OLAH: variants seen among roughly 807,000 people sequenced by gnomAD.
OLAH encodes the protein oleoyl-ACP hydrolase.
A neutral mutation model predicts 27.8 loss-of-function variants in OLAH; 33 were observed. The observed-to-expected ratio is 1.19, with a 90% confidence interval of 0.90 to 1.59. The LOEUF is 1.59. Among genes scored for constraint, OLAH ranks in the 40% most tolerant of loss-of-function variants. OLAH has a pLI of 0.00. For missense variants in OLAH, 359 were observed against 310.8 expected (o/e 1.16, Z -1.17); for synonymous variants, 120 against 102.9 (o/e 1.17, Z -1.01).
chr10:15,045,047 T>A (rs924569597), intron 1 of OLAH, among the ~76,000 whole-genome samples: 2 of 152,164 alleles, frequency 1.3e-5, no homozygotes, highest in African/African-American at 4.8e-5. Context: ...TTCAATCAAA[T>A]GAAAGCATCT....
At chr10:15,056,652 A>G (rs1362193617) in intron 3 of OLAH, among the ~76,000 whole-genome samples, 1 of 150,014 alleles carries the variant, frequency 6.7e-6, no homozygotes, top group Non-Finnish European at 1.5e-5. Flanking sequence ...TTTTCTTTTA[A>G]CAGGATCTTG....
rs35201278 is a variant in OLAH, at chr10:15,051,078, AT to A, written c.163+1328del. On this transcript the variant is annotated intron_variant, in intron 3 of 7. Transcript: ENST00000378228. Reference sequence around the variant, plus strand: ...AAGACTGTTTATTATTATTATTATTATTTTTTTTTTTTTTTGAGATGGAGTC... The same window carrying A: ...AAGACTGTTTATTATTATTATTATTATTTTTTTTTTTTTTGAGATGGAGTC... Among the ~76,000 whole-genome samples, 324 of 134,826 alleles carry A rather than the reference AT, an allele frequency of 2.4e-3. 2 individuals are homozygous for A. Among genetic ancestry groups the A allele is most frequent in the African/African-American group, 8.2e-3 (287 of 35,034 alleles). 88.5% of individuals were successfully genotyped at this position (134,826 alleles called of 152,430 possible).
At chr10:15,073,010 T>C in intron 7 of OLAH, 77 bp from the exon 8 acceptor site, 1 of 1,414,072 alleles carries the variant, frequency 7.1e-7, no homozygotes. Flanking sequence ...GTGTCAGCTC[T>C]TAAAGAAATG....
chr10:15,062,117 T>C (rs1844379529), intron 4 of OLAH: 1 of 350,218 alleles, frequency 2.9e-6, no homozygotes, highest in Non-Finnish European at 5.2e-6. Flanking sequence ...CTATTTATTT[T>C]TGAAATAAGA....
intron 1 of OLAH, among the ~76,000 whole-genome samples, chr10:15,046,840 A>G (rs558363662): frequency 2.0e-5 from 3 of 152,290 alleles, no homozygotes; most frequent in South Asian, 4.2e-4. Flanking sequence ...TCTAGTATGT[A>G]TGGAATGTTT....
chr10:15,047,279 A>G lies in OLAH; in HGVS notation c.-10A>G, dbSNP rs1189635478. On this transcript the variant is annotated 5_prime_UTR_variant, in exon 2 of 8. Coordinates refer to ENST00000378228, the MANE Select transcript of OLAH (RefSeq NM_001039702.3). Reference sequence around the variant, plus strand: ...CAGAGACCAGCCATCTTGCAACCTCACCTCACAGCATGGAGAGAGGAGACC... The same window carrying G: ...CAGAGACCAGCCATCTTGCAACCTCGCCTCACAGCATGGAGAGAGGAGACC... 2 of 1,613,078 alleles carry G rather than the reference A, an allele frequency of 1.2e-6. No homozygotes were observed. The highest frequency in any genetic ancestry group is 2.7e-5 in the African/African-American group (2 of 74,842).
chr10:15,045,395 T>C (rs12782196), intron 1 of OLAH, among the ~76,000 whole-genome samples: 10,752 of 152,278 alleles, frequency 0.071, 418 homozygotes, highest in Middle Eastern at 0.14. Context: ...TGACTGCCTA[T>C]TTTTCTTGGA....
intron 1 of OLAH, among the ~76,000 whole-genome samples, chr10:15,037,744 C>G (rs978496537): frequency 1.3e-5 from 2 of 152,142 alleles, no homozygotes; most frequent in Admixed American, 6.6e-5. Context: ...TATAGGAAAT[C>G]TCATATTGCT....
At chr10:15,065,370 C>G (rs1002486211) in intron 5 of OLAH, among the ~76,000 whole-genome samples, 1 of 152,140 alleles carries the variant, frequency 6.6e-6, no homozygotes, top group Non-Finnish European at 1.5e-5. Flanking sequence ...ATCTACAAAG[C>G]CATTTTGGTG....
chr10:15,035,406 G>A (rs1225215200), intron 1 of OLAH, among the ~76,000 whole-genome samples: 1 of 152,052 alleles, frequency 6.6e-6, no homozygotes, highest in East Asian at 1.9e-4. Flanking sequence ...TCTGCTTCTA[G>A]GGAGGCCTCC....
chr10:15,073,528 TGG>T lies in OLAH; in HGVS notation c.*301_*302del, dbSNP rs1844635787. On this transcript the variant is annotated 3_prime_UTR_variant, in exon 8 of 8. Coordinates refer to ENST00000378228, the MANE Select transcript of OLAH (RefSeq NM_001039702.3). ...ACACAAAATTAGCCGGGCGTGGTGG[TGG>T]GCACCTGTAGTCCCAGCTACTCGGG... 4.5e-6 allele frequency: 1 copy of T among 224,680 alleles called. No individual in the cohort carries two copies. 13.9% of individuals were successfully genotyped at this position (224,680 alleles called of 1,614,324 possible). A position where few individuals can be genotyped will look rare whatever the true frequency, so the allele number is the denominator to read the frequency against.
At chr10:15,067,088 T>C (rs1844483559) in intron 6 of OLAH, among the ~76,000 whole-genome samples, 1 of 152,232 alleles carries the variant, frequency 6.6e-6, no homozygotes, top group African/African-American at 2.4e-5. Context: ...TGACTTAATC[T>C]TTCCATAATG....
Position 15,065,720 on chromosome 10 carries a change from T to C in OLAH, c.539T>C (p.Ile180Thr). The change falls in exon 6 of 8, where the codon ATA (isoleucine) becomes ACA (threonine). Residue 180 changes from isoleucine (I) to threonine (T), a missense_variant. By Grantham distance (89) the Ile-to-Thr change is moderately conservative. Transcript: ENST00000378228. ...KEFVKQCSPI[I>T]RADLNIVRSC... ...TTTGTGAAACAATGTAGTCCCATCA[T>C]AAGGGCAGATCTGAACATTGTTAGA... 6.2e-7 allele frequency: 1 copy of C among 1,613,256 alleles called. No individual in the cohort carries two copies. The highest frequency in any genetic ancestry group is 8.5e-7 in the Non-Finnish European group (1 of 1,179,822).
At chr10:15,045,510 G>A (rs12775061) in intron 1 of OLAH, among the ~76,000 whole-genome samples, 10,743 of 152,154 alleles carry the variant, frequency 0.071, 418 homozygotes, top group Middle Eastern at 0.14. Context: ...ATTTTTTTCT[G>A]AGAGTTGATG....
chr10:15,034,164 A>G lies in OLAH; in HGVS notation c.-164+1814A>G, dbSNP rs1390990751. ...AGTCTCGCTCTGTCACCCAGGCTGGAGTGCAATGGCAAGATCTTGGCTCAC... is the reference window on the plus strand; with the variant it reads ...AGTCTCGCTCTGTCACCCAGGCTGGGGTGCAATGGCAAGATCTTGGCTCAC... On this transcript the variant is annotated intron_variant, in intron 1 of 3. Transcript: ENST00000413672. Among the ~76,000 whole-genome samples, 4 of 138,406 alleles carry G rather than the reference A, an allele frequency of 2.9e-5. No individual in the cohort carries two copies. In the East Asian group the frequency reaches 8.8e-4, roughly 30 times the overall value. The allele number at this position is 138,406 out of a possible 152,430, so 90.8% of individuals were successfully genotyped here. A position where few individuals can be genotyped will look rare whatever the true frequency, so the allele number is the denominator to read the frequency against.
At chr10:15,042,386 C>T (rs1467915291), upstream of OLAH, among the ~76,000 whole-genome samples, 1 of 152,132 alleles carries the variant, frequency 6.6e-6, no homozygotes, top group Non-Finnish European at 1.5e-5. Flanking sequence ...CTCCTGACCT[C>T]AGGCAATCCA....
At chr10:15,065,459 A>G (rs2131373577) in intron 5 of OLAH, 125 bp from the exon 6 acceptor site, 2 of 949,686 alleles carry the variant, frequency 2.1e-6, no homozygotes, top group African/African-American at 1.7e-5. Context: ...CCTGAAGCCT[A>G]TAGATAAAGC....
At position 15,067,074 on chromosome 10, in the gene OLAH, C is replaced by T. The variant is rs188285223; in HGVS notation, c.572+1321C>T. Among the ~76,000 whole-genome samples the T allele has an allele frequency of 9.1e-4, 138 of 152,274 alleles. 1 individual carries two copies. The highest frequency in any genetic ancestry group is 3.1e-3 in the African/African-American group (129 of 41,542). The stretch of plus-strand genomic sequence containing the variant: ...ATATGAGGTGATGGATATGTTAATT[C>T]GCTTGACTTAATCTTTCCATAATGT... On this transcript the variant is annotated intron_variant, in intron 6 of 7. Coordinates refer to ENST00000378228, the MANE Select transcript of OLAH (RefSeq NM_001039702.3).
intron 1 of OLAH, among the ~76,000 whole-genome samples, chr10:15,035,639 T>A (rs1843829997): frequency 6.6e-6 from 1 of 151,964 alleles, no homozygotes; most frequent in South Asian, 2.1e-4. Flanking sequence ...GGGATGACAT[T>A]TACCCAAACT....
Sources: allele counts gnomAD v4.1 joint callset (sites outside exome capture counted in the v4.1 genomes callset), GRCh38; gene constraint gnomAD v4.1.1; transcripts MANE v1.5; gene names NCBI Gene and HGNC (gene_info 2026-07-23, HGNC 2026-07-21).